ATM: variants seen among roughly 807,000 people sequenced by gnomAD.
ATM encodes ATM serine/threonine kinase.
In ATM, 308 loss-of-function variants were observed where a neutral mutation model predicts 387.0. That is an observed-to-expected ratio of 0.80 (90% CI 0.73 to 0.87). ATM has a LOEUF of 0.87. Among genes scored for constraint, ATM ranks in the 40% least tolerant of loss-of-function variants. The pLI, the probability that ATM is intolerant of heterozygous loss-of-function variation, is 0.00. For synonymous variants in ATM, 1,156 were observed against 1,187.3 expected (o/e 0.97, Z 0.54); for missense variants, 3,312 against 3,560.9 (o/e 0.93, Z 1.78).
chr11:108,284,021 A>G (rs2082360635), intron 25 of ATM, among the ~76,000 whole-genome samples: 1 of 152,068 alleles, frequency 6.6e-6, no homozygotes, highest in African/African-American at 2.4e-5. Context: ...TGGTGGTGGT[A>G]TGTTCTAAGC....
chr11:108,303,474 C>CA (rs1319410887), intron 36 of ATM, among the ~76,000 whole-genome samples: 1 of 152,048 alleles, frequency 6.6e-6, no homozygotes, highest in Non-Finnish European at 1.5e-5. Context: ...CCAAATGAAA[C>CA]AAAGTTTGTA....
intron 56 of ATM, among the ~76,000 whole-genome samples, chr11:108,339,971 C>T (rs1050237524): frequency 6.6e-5 from 10 of 152,072 alleles, no homozygotes; most frequent in African/African-American, 1.4e-4. Context: ...TATATACCTA[C>T]GTTGGGTTAG....
chr11:108,241,738 C>CTTTTTTTT (rs1235260816), intron 5 of ATM, among the ~76,000 whole-genome samples: 2 of 82,104 alleles, frequency 2.4e-5, no homozygotes, highest in Non-Finnish European at 2.5e-5. Context: ...GTCTTTCTTT[C>CTTTTTTTT]TTTCTTTTTT....
At chr11:108,320,794 T>C (rs1173039956) in intron 44 of ATM, among the ~76,000 whole-genome samples, 2 of 152,208 alleles carry the variant, frequency 1.3e-5, no homozygotes, top group Non-Finnish European at 2.9e-5. Flanking sequence ...AGTATTACTT[T>C]GACTCCTCAA....
chr11:108,331,312 A>G (rs982099779), intron 50 of ATM, 132 bp from the exon 51 acceptor site: 3 of 1,450,276 alleles, frequency 2.1e-6, no homozygotes, highest in Non-Finnish European at 2.7e-6. Flanking sequence ...AAGGAAAACA[A>G]TATAGTTAGT....
chr11:108,336,666 T>C (rs227064), intron 56 of ATM, among the ~76,000 whole-genome samples: 92,972 of 151,990 alleles, frequency 0.61, 28,679 homozygotes, highest in Middle Eastern at 0.76. Flanking sequence ...GCAGGCAAAT[T>C]TGTAGCATGG....
chr11:108,274,888 T>G (rs1161311861), intron 22 of ATM, among the ~76,000 whole-genome samples: 1 of 152,232 alleles, frequency 6.6e-6, no homozygotes, highest in African/African-American at 2.4e-5. Context: ...TTAGGTCTGC[T>G]TGGTCCAGAG....
chr11:108,251,265 T>C (rs928837213), intron 10 of ATM, among the ~76,000 whole-genome samples, 193 bp downstream of exon 10: 11 of 152,380 alleles, frequency 7.2e-5, no homozygotes, highest in South Asian at 2.1e-4. Flanking sequence ...TGTTGACAAA[T>C]TATTAAAGAC....
rs2086256976 is a variant in ATM, at chr11:108,331,712, C to T, written c.7629+155C>T. On this transcript the variant is annotated intron_variant, in intron 51 of 62. Coordinates refer to ENST00000675843, the MANE Select transcript of ATM (RefSeq NM_000051.4). ...ATCACATAAGTTACTCATTTTCTCTCTCTAATTCCTCATAGGCCTCTGCCT... is the reference window on the plus strand; with the variant it reads ...ATCACATAAGTTACTCATTTTCTCTTTCTAATTCCTCATAGGCCTCTGCCT... The T allele has an allele frequency of 3.0e-6, 4 of 1,312,608 alleles. No individual in the cohort carries two copies. The South Asian group carries it at 4.5e-5, about 15-fold the overall frequency. 81.3% of individuals were successfully genotyped at this position (1,312,608 alleles called of 1,614,324 possible).
intron 54 of ATM, among the ~76,000 whole-genome samples, chr11:108,334,209 C>T (rs2086586772): frequency 9.2e-6 from 1 of 108,860 alleles, no homozygotes; most frequent in Non-Finnish European, 2.1e-5. Flanking sequence ...TTATGAAGGT[C>T]TATAGACTGT....
At chr11:108,349,401 A>T (rs926493410) in intron 59 of ATM, among the ~76,000 whole-genome samples, 1 of 152,226 alleles carries the variant, frequency 6.6e-6, no homozygotes, top group African/African-American at 2.4e-5. Flanking sequence ...GCGGTGGATC[A>T]CACCTGTAAT....
At chr11:108,342,764 T>C (rs2087749132) in intron 56 of ATM, among the ~76,000 whole-genome samples, 1 of 152,224 alleles carries the variant, frequency 6.6e-6, no homozygotes, top group African/African-American at 2.4e-5. Context: ...GTGAAGATAA[T>C]AAGACTAAAG....
At chr11:108,352,240 AAAC>A (rs2089298711) in intron 59 of ATM, among the ~76,000 whole-genome samples, 1 of 152,262 alleles carries the variant, frequency 6.6e-6, no homozygotes, top group South Asian at 2.1e-4. Flanking sequence ...GCCATCATAA[AAAC>A]ACTGAAGGAA....
chr11:108,253,266 GC>G (rs1268997177), intron 12 of ATM, among the ~76,000 whole-genome samples: 1 of 152,084 alleles, frequency 6.6e-6, no homozygotes, highest in Non-Finnish European at 1.5e-5. Context: ...CTATTTGTTA[GC>G]TTTAAAAACT....
chr11:108,317,609 G>C, intron 43 of ATM, 88 bp downstream of exon 43: 1 of 469,904 alleles, frequency 2.1e-6, no homozygotes, highest in Non-Finnish European at 3.5e-6. Flanking sequence ...TATAACAGGA[G>C]TTGTTTTATA....
Position 108,313,798 on chromosome 11 carries a change from A to T in ATM, c.6006+1300A>T, listed in dbSNP as rs4988079. Among the ~76,000 whole-genome samples the T allele has an allele frequency of 9.0e-3, 1,373 of 152,300 alleles. 19 individuals carry two copies. Among genetic ancestry groups the T allele is most frequent in the African/African-American group, 0.031 (1,297 of 41,562 alleles). ...ATAAATGAATTTGTGTGTAGAAAAT[A>T]TTTCACAGAGCAAGCACCATATAGG... On this transcript the variant is annotated intron_variant, in intron 40 of 62. Transcript: ENST00000675843.
At chr11:108,267,367 A>C (rs1454734485) in intron 17 of ATM, 25 bp downstream of exon 17, 1 of 1,609,882 alleles carries the variant, frequency 6.2e-7, no homozygotes, top group East Asian at 2.2e-5. Flanking sequence ...ACTACTTGGG[A>C]TTTCTTTTAC....
At chr11:108,276,456 T>A (rs1294978215) in intron 22 of ATM, among the ~76,000 whole-genome samples, 1 of 152,228 alleles carries the variant, frequency 6.6e-6, no homozygotes, top group East Asian at 1.9e-4. Context: ...GTTTTTGGAA[T>A]TTTCAGCCCT....
intron 56 of ATM, among the ~76,000 whole-genome samples, chr11:108,338,075 A>G (rs1351103655): frequency 6.6e-6 from 1 of 152,272 alleles, no homozygotes; most frequent in Non-Finnish European, 1.5e-5. Context: ...CTAGCCGGGC[A>G]TGGTGGCCCA....
Sources: allele counts gnomAD v4.1 joint callset (sites outside exome capture counted in the v4.1 genomes callset), GRCh38; gene constraint gnomAD v4.1.1; transcripts MANE v1.5; gene names NCBI Gene and HGNC (gene_info 2026-07-23, HGNC 2026-07-21).